The following ALKAL2 variants were observed in gnomAD, a reference collection of about 807,000 sequenced individuals.
The protein encoded by ALKAL2 is AUG-alpha.
Under a neutral mutation model 18.5 loss-of-function variants are expected in ALKAL2, and 8 were observed. The observed-to-expected ratio is 0.43, with a 90% CI of 0.25 to 0.78. ALKAL2 has a LOEUF of 0.78. Among genes scored for constraint, ALKAL2 ranks in the 30% least tolerant of loss-of-function variants. ALKAL2 has a pLI of 0.22. For missense variants in ALKAL2, 241 were observed against 211.2 expected (o/e 1.14, Z -0.88); for synonymous variants, 135 against 95.8 (o/e 1.41, Z -2.39).
chr2:280,352 C>T (rs1197822189), intron 5 of ALKAL2, among the ~76,000 whole-genome samples, 200 bp from the exon 6 acceptor site: 1 of 152,170 alleles, frequency 6.6e-6, no homozygotes, highest in Non-Finnish European at 1.5e-5. Context: ...TGTTACATGG[C>T]TGCAATGCTA....
intron 2 of ALKAL2, 108 bp downstream of exon 2, chr2:287,470 AGGAAT>A: frequency 1.7e-6 from 1 of 584,982 alleles, no homozygotes; most frequent in Non-Finnish European, 2.5e-6. Context: ...AAAAAAAAAA[AGGAAT>A]CCTGCTGTTC....
chr2:282,316 C>G (rs1015055644), intron 5 of ALKAL2, among the ~76,000 whole-genome samples: 6 of 152,236 alleles, frequency 3.9e-5, no homozygotes, highest in African/African-American at 1.4e-4. Flanking sequence ...AAAATACTCC[C>G]TTTTCATGAA....
chr2:280,197 T>G, intron 5 of ALKAL2, 45 bp from the exon 6 acceptor site: 1 of 1,612,400 alleles, frequency 6.2e-7, no homozygotes, highest in South Asian at 1.1e-5. Context: ...CCACACTTCT[T>G]AATGTCAATT....
intron 4 of ALKAL2, chr2:283,415 G>A (rs1449119649): frequency 3.0e-6 from 3 of 985,300 alleles, no homozygotes; most frequent in Non-Finnish European, 1.2e-6. Context: ...GCAGCGGAGG[G>A]AAGAGGGACA....
intron 5 of ALKAL2, among the ~76,000 whole-genome samples, 196 bp from the exon 6 acceptor site, chr2:280,348 A>G (rs1055274730): frequency 1.3e-5 from 2 of 152,214 alleles, no homozygotes; most frequent in African/African-American, 2.4e-5. Context: ...CAGTTGTTAC[A>G]TGGCTGCAAT....
In ALKAL2 at chr2:279,976, A is replaced by ATATC. The variant is rs1299672138; in HGVS notation, c.*167_*170dup. On this transcript the variant is annotated 3_prime_UTR_variant, in exon 6 of 6. Transcript: ENST00000403610. Reference sequence around the variant, plus strand: ...TCAAGTACACTGATTTATCGAATATATATCTGCAAACTGTCAACAACATAC... The same window carrying ATATC: ...TCAAGTACACTGATTTATCGAATATATATCTATCTGCAAACTGTCAACAACATAC... 12 of 700,694 alleles carry ATATC rather than the reference A, an allele frequency of 1.7e-5. No individual in the cohort carries two copies. The highest frequency in any genetic ancestry group is 3.1e-5 in the Non-Finnish European group (12 of 388,298). 43.4% of individuals were successfully genotyped at this position (700,694 alleles called of 1,614,324 possible). A position where few individuals can be genotyped will look rare whatever the true frequency, so the allele number is the denominator to read the frequency against.
At chr2:280,214 G>A (rs1670294556) in intron 5 of ALKAL2, 62 bp from the exon 6 acceptor site, 1 of 1,592,490 alleles carries the variant, frequency 6.3e-7, no homozygotes, top group African/African-American at 1.3e-5. Flanking sequence ...AATTCCAGAA[G>A]ACCTGTCACT....
intron 5 of ALKAL2, among the ~76,000 whole-genome samples, chr2:281,779 TAAAG>T (rs1670362800): frequency 2.7e-5 from 4 of 149,388 alleles, no homozygotes. Context: ...TGTTTAATTA[TAAAG>T]AAATACCTAA....
Position 287,754 on chromosome 2 carries a change from G to A in ALKAL2, c.82C>T (p.Pro28Ser). 6.9e-7 allele frequency: 1 copy of A among 1,446,830 alleles called. No homozygotes were observed. The highest frequency in any genetic ancestry group is 9.1e-7 in the Non-Finnish European group (1 of 1,103,630). The allele number at this position is 1,446,830 out of a possible 1,614,324, so 89.6% of individuals were successfully genotyped here. A position where few individuals can be genotyped will look rare whatever the true frequency, so the allele number is the denominator to read the frequency against. The change falls in exon 2 of 6, where the codon CCC becomes TCC. Residue 28 changes from proline to serine, a missense_variant. Physicochemically the swap from Pro to Ser is moderately conservative, Grantham distance 74. Transcript: ENST00000403610. ...GCCTGTCCGTCCGCCGGCTCCCGGG[G>A]CTCCGCGCCCCCCCGGCCGCGCCCC... is the stretch of plus-strand genomic sequence containing the variant. The part of the protein sequence containing the change: ...AAGRGRGGAE[P>S]REPADGQALL...
chr2:286,149 T>G lies in ALKAL2; in HGVS notation c.362A>C (p.Asn121Thr), dbSNP rs758805379. The G allele has an allele frequency of 3.7e-6, 6 of 1,613,800 alleles. No homozygotes were observed. The highest frequency in any genetic ancestry group is 4.2e-6 in the Non-Finnish European group (5 of 1,179,834). ...CSKHFHRLYH[N>T]TRDCTIPAYY... ...TGCAGGAATGGTGCAGTCTCTGGTGTTGTGATAAAGTCTATGGAAGTGTTT... is the reference window on the plus strand; with the variant it reads ...TGCAGGAATGGTGCAGTCTCTGGTGGTGTGATAAAGTCTATGGAAGTGTTT... Residue 121 changes from asparagine (N) to threonine (T), a missense_variant, in exon 4 of 6, where the codon AAC (asparagine) becomes ACC (threonine). Physicochemically the swap from Asn to Thr is moderately conservative, Grantham distance 65. Transcript: ENST00000403610.
chr2:280,144 T>G lies in ALKAL2; in HGVS notation c.*3A>C. 1.9e-6 allele frequency: 3 copies of G among 1,614,008 alleles called. No homozygotes were observed. Among genetic ancestry groups the G allele is most frequent in the Non-Finnish European group, 1.7e-6 (2 of 1,179,878 alleles). Reference sequence around the variant, plus strand: ...CCTGGTGTGCTGCTCCTGTACGGTCTGCTCACTGCTGAAAACAAATACATT... The same window carrying G: ...CCTGGTGTGCTGCTCCTGTACGGTCGGCTCACTGCTGAAAACAAATACATT... On this transcript the variant is annotated 3_prime_UTR_variant, in exon 6 of 6. Coordinates refer to ENST00000403610, the MANE Select transcript of ALKAL2 (RefSeq NM_001002919.3).
In ALKAL2 at chr2:287,758, C is replaced by T; in HGVS notation, c.78G>A (p.Ala26=). 2 of 1,440,788 alleles carry T rather than the reference C, an allele frequency of 1.4e-6. No homozygotes were observed. The highest frequency in any genetic ancestry group is 1.5e-5 in the African/African-American group (1 of 67,684). The allele number at this position is 1,440,788 out of a possible 1,614,324, so 89.3% of individuals were successfully genotyped here. A position where few individuals can be genotyped will look rare whatever the true frequency, so the allele number is the denominator to read the frequency against. The change falls in exon 2 of 6, where the codon GCG becomes GCA. Residue 26 remains alanine, a synonymous_variant. Coordinates refer to ENST00000403610, the MANE Select transcript of ALKAL2 (RefSeq NM_001002919.3). Reference sequence around the variant, plus strand: ...GTCCGTCCGCCGGCTCCCGGGGCTCCGCGCCCCCCCGGCCGCGCCCCGCCG... The same window carrying T: ...GTCCGTCCGCCGGCTCCCGGGGCTCTGCGCCCCCCCGGCCGCGCCCCGCCG... ...LGAAGRGRGG[A]EPREPADGQA...
At position 286,634 on chromosome 2, in the gene ALKAL2, C is replaced by CT. The variant is rs1448624549; in HGVS notation, c.254-292dup. 1.5e-4 allele frequency: 45 copies of CT among 300,334 alleles called. No homozygotes were observed. The East Asian group carries it at 2.5e-3, about 16-fold the overall frequency. 18.6% of individuals were successfully genotyped at this position (300,334 alleles called of 1,614,324 possible). A position where few individuals can be genotyped will look rare whatever the true frequency, so the allele number is the denominator to read the frequency against. ...CCACGAAGTTACAGAGGTAAGAAAA[C>CT]TGTTTTTTTTTTCTTTTAAACATTT... On this transcript the variant is annotated intron_variant, in intron 2 of 5. Coordinates refer to ENST00000403610, the MANE Select transcript of ALKAL2 (RefSeq NM_001002919.3).
intron 4 of ALKAL2, chr2:283,668 C>T (rs936505509): frequency 3.6e-5 from 29 of 809,640 alleles, no homozygotes; most frequent in South Asian, 5.6e-5. Flanking sequence ...GCAATGTGCC[C>T]GTTTCTAAGC....
At chr2:287,467 A>AGT in intron 2 of ALKAL2, 116 bp downstream of exon 2, 1 of 641,338 alleles carries the variant, frequency 1.6e-6, no homozygotes, top group Non-Finnish European at 2.2e-6. Context: ...AAAAAAAAAA[A>AGT]AAAGGAATCC....
chr2:286,088 C>G, intron 4 of ALKAL2, 35 bp downstream of exon 4: 1 of 1,578,344 alleles, frequency 6.3e-7, no homozygotes, highest in Middle Eastern at 1.7e-4. Context: ...CTGCACTGCT[C>G]TTGCATTTTA....
intron 4 of ALKAL2, 182 bp from the exon 5 acceptor site, chr2:283,357 C>G (rs1670413083): frequency 2.0e-6 from 2 of 985,280 alleles, no homozygotes; most frequent in South Asian, 9.4e-5. Context: ...ATTTATGGTG[C>G]TTCAAGGGCT....
Position 288,033 on chromosome 2 carries a change from A to C in ALKAL2, c.-78T>G, listed in dbSNP as rs1433685007. The C allele has an allele frequency of 8.2e-7, 1 of 1,219,476 alleles. No individual in the cohort carries two copies. Among genetic ancestry groups the C allele is most frequent in the Admixed American group, 4.4e-5 (1 of 22,750 alleles). 75.5% of individuals were successfully genotyped at this position (1,219,476 alleles called of 1,614,324 possible). ...CTCACCTCCGCGGACCCCGAGGAAC[A>C]AGCCGGCAGGTGAGGGAGCCGCGGT... On this transcript the variant is annotated 5_prime_UTR_variant, in exon 1 of 6. Coordinates refer to ENST00000403610, the MANE Select transcript of ALKAL2 (RefSeq NM_001002919.3).
At chr2:284,690 ATGAGATC>A (rs976621604) in intron 4 of ALKAL2, among the ~76,000 whole-genome samples, 14 of 152,322 alleles carry the variant, frequency 9.2e-5, no homozygotes, top group African/African-American at 3.4e-4. Context: ...AGAGTCAACC[ATGAGATC>A]TGTGCTTTAG....
Sources: allele counts gnomAD v4.1 joint callset (sites outside exome capture counted in the v4.1 genomes callset), GRCh38; gene constraint gnomAD v4.1.1; transcripts MANE v1.5; gene names NCBI Gene and HGNC (gene_info 2026-07-23, HGNC 2026-07-21).